The following ADGRV1 variants were observed in gnomAD, a reference collection of about 807,000 sequenced individuals.
The protein encoded by ADGRV1 is adhesion G protein-coupled receptor V1.
ADGRV1 carries 359 observed loss-of-function variants against 596.2 expected under a neutral mutation model. The observed-to-expected ratio is 0.60, with a 90% CI of 0.55 to 0.66. ADGRV1 has a LOEUF of 0.66. Ranked by LOEUF, ADGRV1 falls within the 30% of genes least tolerant of loss-of-function variation. The pLI is 0.00. For synonymous variants in ADGRV1, 2,681 were observed against 2,679.2 expected, an observed-to-expected ratio of 1.00 and a Z score of -0.02; for missense variants, 7,274 against 7,575.6, an observed-to-expected ratio of 0.96 and a Z score of 1.48.
intron 88 of ADGRV1, among the ~76,000 whole-genome samples, chr5:91,151,725 A>G (rs1241724232): frequency 1.3e-5 from 2 of 152,336 alleles, no homozygotes; most frequent in East Asian, 3.9e-4. Flanking sequence ...AACATTAAAG[A>G]GTCAGTTTAT....
chr5:91,004,756 A>G (rs142938310), intron 85 of ADGRV1, among the ~76,000 whole-genome samples: 1 of 152,170 alleles, frequency 6.6e-6, no homozygotes, highest in Non-Finnish European at 1.5e-5. Context: ...CTGGGGCTTC[A>G]GGGGGAGAAT....
At chr5:90,923,257 C>T (rs944388139) in intron 83 of ADGRV1, among the ~76,000 whole-genome samples, 2 of 151,870 alleles carry the variant, frequency 1.3e-5, no homozygotes, top group Non-Finnish European at 2.9e-5. Context: ...TTTTCATAAA[C>T]AAATATTATA....
intron 85 of ADGRV1, among the ~76,000 whole-genome samples, chr5:91,068,468 CAAA>C (rs112372907): frequency 8.0e-6 from 1 of 125,312 alleles, no homozygotes. Context: ...GACTCCATCT[CAAA>C]AAAAAAAAAG....
chr5:91,040,676 A>G (rs1785265294), intron 85 of ADGRV1, among the ~76,000 whole-genome samples: 1 of 152,200 alleles, frequency 6.6e-6, no homozygotes. Context: ...GCTAAGTAAA[A>G]GATGATGACA....
chr5:90,681,926 G>GCGT (rs1745001566), intron 27 of ADGRV1, among the ~76,000 whole-genome samples: 1 of 151,238 alleles, frequency 6.6e-6, no homozygotes, highest in African/African-American at 2.4e-5. Context: ...GAGTGCAATG[G>GCGT]CGTGATCTCA....
intron 85 of ADGRV1, among the ~76,000 whole-genome samples, chr5:91,032,442 G>A (rs1283487792): frequency 6.6e-6 from 1 of 152,136 alleles, no homozygotes; most frequent in Non-Finnish European, 1.5e-5. Flanking sequence ...ATGTAATGGT[G>A]AATTTAGAGT....
intron 87 of ADGRV1, among the ~76,000 whole-genome samples, chr5:91,135,912 G>T (rs1198677124): frequency 6.6e-6 from 1 of 152,188 alleles, no homozygotes; most frequent in Non-Finnish European, 1.5e-5. Flanking sequence ...CACCGTGGAG[G>T]AAGTTGATAC....
chr5:90,806,727 A>G (rs1761935217), intron 72 of ADGRV1, among the ~76,000 whole-genome samples: 1 of 152,206 alleles, frequency 6.6e-6, no homozygotes, highest in Non-Finnish European at 1.5e-5. Flanking sequence ...GAGTTCCCAA[A>G]TAATAGATCT....
chr5:90,700,914 T>C (rs1747831157), intron 34 of ADGRV1, among the ~76,000 whole-genome samples: 1 of 152,152 alleles, frequency 6.6e-6, no homozygotes, highest in Non-Finnish European at 1.5e-5. Context: ...ATTAGTTTTA[T>C]GTACATTGTA....
intron 83 of ADGRV1, among the ~76,000 whole-genome samples, chr5:90,962,184 T>G (rs961914122): frequency 2.6e-5 from 4 of 152,218 alleles, no homozygotes; most frequent in African/African-American, 9.7e-5. Context: ...AATAATAGTT[T>G]CACATCATTA....
intron 85 of ADGRV1, among the ~76,000 whole-genome samples, chr5:91,003,466 ACTAT>A (rs1782006432): frequency 6.6e-6 from 1 of 152,188 alleles, no homozygotes; most frequent in Non-Finnish European, 1.5e-5. Context: ...ATTTTATATG[ACTAT>A]CTGACAGTTT....
At position 90,828,980 on chromosome 5, in the gene ADGRV1, T is replaced by C. The variant is rs1437420175; in HGVS notation, c.16405T>C (p.Tyr5469His). ...TGAAGTGTATTTTTTTGTGGAACTA[T>C]ATGAAGCTACTGCTGGAGCAGCAAT... ...QVEVYFFVEL[Y>H]EATAGAAINN... Residue 5469 changes from tyrosine (Y) to histidine (H), a missense_variant, in exon 77 of 90, where the codon TAT becomes CAT. Around this residue, in one of 5 missense-constraint regions of ADGRV1, gnomAD observed 1,874 missense variants for 1,970.2 expected, o/e 0.95. Transcript: ENST00000405460. 2 of 1,601,016 alleles carry C rather than the reference T, an allele frequency of 1.2e-6. No homozygotes were observed. The highest frequency in any genetic ancestry group is 1.1e-5 in the South Asian group (1 of 88,240).
chr5:90,599,267 A>C (rs1338291807), intron 1 of ADGRV1, among the ~76,000 whole-genome samples: 1 of 152,214 alleles, frequency 6.6e-6, no homozygotes, highest in African/African-American at 2.4e-5. Flanking sequence ...ACCTTATTTA[A>C]AATTTTAAAT....
At chr5:90,920,493 C>T (rs1303966648) in intron 83 of ADGRV1, among the ~76,000 whole-genome samples, 1 of 152,080 alleles carries the variant, frequency 6.6e-6, no homozygotes, top group East Asian at 1.9e-4. Flanking sequence ...ATTTTACATT[C>T]AGGTGCCCAC....
intron 1 of ADGRV1, among the ~76,000 whole-genome samples, chr5:90,608,983 A>G (rs1057447952): frequency 2.0e-5 from 3 of 152,168 alleles, no homozygotes; most frequent in African/African-American, 7.2e-5. Flanking sequence ...TGAGAGATAC[A>G]ATGTTGATGG....
chr5:91,081,508 G>A (rs1789376217), intron 86 of ADGRV1, among the ~76,000 whole-genome samples: 2 of 152,172 alleles, frequency 1.3e-5, no homozygotes, highest in South Asian at 4.1e-4. Flanking sequence ...CAGGAGCTGG[G>A]CATGGTGACT....
intron 83 of ADGRV1, among the ~76,000 whole-genome samples, chr5:90,866,534 G>A (rs977743803): frequency 6.6e-6 from 1 of 151,952 alleles, no homozygotes; most frequent in African/African-American, 2.4e-5. Flanking sequence ...TAGCCATGAT[G>A]GCGTTCAGTA....
chr5:90,930,751 A>G (rs1455011568), intron 83 of ADGRV1, among the ~76,000 whole-genome samples: 1 of 152,180 alleles, frequency 6.6e-6, no homozygotes, highest in East Asian at 1.9e-4. Flanking sequence ...AATAACTTAC[A>G]TGAGGAAATA....
rs149180913 is a variant in ADGRV1, at chr5:90,915,222, T to C, written c.17857-50193T>C. Among the ~76,000 whole-genome samples, 1,214 of 152,324 alleles carry C rather than the reference T, an allele frequency of 8.0e-3. 11 individuals carry two copies. The highest frequency in any genetic ancestry group is 0.028 in the African/African-American group (1,169 of 41,574). ...ATAGAAAAGGTATTCCAATGTACTT[T>C]AGGATAATATATTCTTAATTATCGT... On this transcript the variant is annotated intron_variant, in intron 83 of 89. Coordinates refer to ENST00000405460, the MANE Select transcript of ADGRV1 (RefSeq NM_032119.4).
Sources: allele counts gnomAD v4.1 joint callset (sites outside exome capture counted in the v4.1 genomes callset), GRCh38; gene constraint gnomAD v4.1.1; regional missense constraint gnomAD v4.1.1; transcripts MANE v1.5; gene names NCBI Gene and HGNC (gene_info 2026-07-23, HGNC 2026-07-21).